GDAP2: variants seen among roughly 807,000 people sequenced by gnomAD.
The protein encoded by GDAP2 is ganglioside induced differentiation associated protein 2, also known as ganglioside-induced differentiation-associated protein 2.
A neutral mutation model predicts 67.0 loss-of-function variants in GDAP2; 51 were observed. The ratio of observed to expected loss-of-function variants is 0.76; its 90% CI spans 0.61 to 0.96. The LOEUF (loss-of-function observed/expected upper bound fraction) is 0.96. Ranked by LOEUF, GDAP2 falls within the 40% of genes least tolerant of loss-of-function variation. The probability of loss-of-function intolerance (pLI) is 0.00; values close to 1 mark genes in which losing one functional copy is unlikely to be tolerated. For synonymous variants in GDAP2, 203 were observed against 207.3 expected, an observed-to-expected ratio of 0.98 and a Z score of 0.18; for missense variants, 547 against 588.3, an observed-to-expected ratio of 0.93 and a Z score of 0.73.
At chr1:117,914,762 G>A (rs1478859964) in intron 3 of GDAP2, among the ~76,000 whole-genome samples, 1 of 152,130 alleles carries the variant, frequency 6.6e-6, no homozygotes, top group Admixed American at 6.5e-5. Flanking sequence ...AAACAAAGGA[G>A]TAGTGCCTTC....
In GDAP2 at chr1:117,866,031, C is replaced by A. The variant is rs1648049248; in HGVS notation, c.*4538G>T. The stretch of plus-strand genomic sequence containing the variant: ...TATATGGTTAGGCCTACCAGGCAAT[C>A]CTTATCATCTCTGGGTTTATGATAT... On this transcript the variant is annotated 3_prime_UTR_variant, in exon 14 of 14. Transcript: ENST00000369443. The A allele has an allele frequency of 6.6e-6, 1 of 152,166 alleles. No individual in the cohort carries two copies. The highest frequency in any genetic ancestry group is 6.5e-5 in the Admixed American group (1 of 15,276). 9.4% of individuals were successfully genotyped at this position (152,166 alleles called of 1,614,324 possible).
At position 117,869,007 on chromosome 1, in the gene GDAP2, C is replaced by G. The variant is rs1648167822; in HGVS notation, c.*1562G>C. ...ATGCACTATAGGGGCATTTCCCTAT[C>G]ATAAATGAAGAGAATATGTTTCTTT... On this transcript the variant is annotated 3_prime_UTR_variant, in exon 14 of 14. Transcript: ENST00000369443. 1.3e-5 allele frequency: 2 copies of G among 152,110 alleles called. No homozygotes were observed. The highest frequency in any genetic ancestry group is 4.8e-5 in the African/African-American group (2 of 41,420). 9.4% of individuals were successfully genotyped at this position (152,110 alleles called of 1,614,324 possible). A position where few individuals can be genotyped will look rare whatever the true frequency, so the allele number is the denominator to read the frequency against.
At position 117,867,723 on chromosome 1, in the gene GDAP2, G is replaced by A. The variant is rs1312178765; in HGVS notation, c.*2846C>T. On this transcript the variant is annotated 3_prime_UTR_variant, in exon 14 of 14. Coordinates refer to ENST00000369443, the MANE Select transcript of GDAP2 (RefSeq NM_017686.4). The stretch of plus-strand genomic sequence containing the variant: ...TCCAAAAAAAAAAGAAAAAGAAAAA[G>A]GAAATATAAAGCATCCGCCAATGAA... 6.6e-6 allele frequency: 1 copy of A among 151,260 alleles called. No individual in the cohort carries two copies. Among genetic ancestry groups the A allele is most frequent in the Non-Finnish European group, 1.5e-5 (1 of 67,810 alleles). 9.4% of individuals were successfully genotyped at this position (151,260 alleles called of 1,614,324 possible). A position where few individuals can be genotyped will look rare whatever the true frequency, so the allele number is the denominator to read the frequency against.
intron 13 of GDAP2, among the ~76,000 whole-genome samples, chr1:117,873,147 A>G (rs1199966052): frequency 2.0e-5 from 3 of 152,234 alleles, no homozygotes; most frequent in South Asian, 2.1e-4. Context: ...GAGACTGCTG[A>G]GCAATCAAAT....
chr1:117,892,266 CTG>C (rs1234651082), intron 8 of GDAP2, among the ~76,000 whole-genome samples: 1 of 152,104 alleles, frequency 6.6e-6, no homozygotes, highest in East Asian at 1.9e-4. Context: ...AGCAAAAAGA[CTG>C]TTACTCTTCT....
At chr1:117,886,278 C>T (rs571760765) in intron 10 of GDAP2, among the ~76,000 whole-genome samples, 1 of 152,230 alleles carries the variant, frequency 6.6e-6, no homozygotes, top group African/African-American at 2.4e-5. Context: ...TTTGATTACA[C>T]AATTATAATA....
intron 6 of GDAP2, among the ~76,000 whole-genome samples, chr1:117,901,355 G>A (rs967997037): frequency 4.6e-5 from 7 of 152,124 alleles, no homozygotes; most frequent in African/African-American, 1.7e-4. Context: ...GTGGACTTAT[G>A]TTTTCAATTC....
chr1:117,869,615 G>C lies in GDAP2; in HGVS notation c.*954C>G, dbSNP rs749488156. Reference sequence around the variant, plus strand: ...CAAATAGAGCCTGAGTGGTAAAAGTGGTCTTTTGCCAATTATCAGCTCCCT... The same window carrying C: ...CAAATAGAGCCTGAGTGGTAAAAGTCGTCTTTTGCCAATTATCAGCTCCCT... On this transcript the variant is annotated 3_prime_UTR_variant, in exon 14 of 14. Transcript: ENST00000369443. The C allele has an allele frequency of 6.6e-5, 10 of 152,624 alleles. No homozygotes were observed. The highest frequency in any genetic ancestry group is 1.5e-4 in the Non-Finnish European group (10 of 68,052). 9.5% of individuals were successfully genotyped at this position (152,624 alleles called of 1,614,324 possible). A position where few individuals can be genotyped will look rare whatever the true frequency, so the allele number is the denominator to read the frequency against.
At chr1:117,885,348 A>T (rs368058159) in intron 10 of GDAP2, among the ~76,000 whole-genome samples, 1 of 152,142 alleles carries the variant, frequency 6.6e-6, no homozygotes, top group Non-Finnish European at 1.5e-5. Context: ...AAAAATGTGA[A>T]AGACAAATTC....
chr1:117,886,128 C>T (rs1457163637), intron 10 of GDAP2, among the ~76,000 whole-genome samples: 2 of 151,988 alleles, frequency 1.3e-5, no homozygotes, highest in Admixed American at 1.3e-4. Flanking sequence ...AACCATTTTT[C>T]TTTTATGAAT....
chr1:117,877,320 T>C, intron 13 of GDAP2: 1 of 967,668 alleles, frequency 1.0e-6, no homozygotes, highest in African/African-American at 1.8e-5. Flanking sequence ...ATCTATCCCC[T>C]GGTTCATACA....
intron 1 of GDAP2, among the ~76,000 whole-genome samples, chr1:117,921,478 G>T (rs982483988): frequency 3.3e-5 from 5 of 152,198 alleles, no homozygotes; most frequent in African/African-American, 1.2e-4. Context: ...GCAACCACAT[G>T]AAGCTCTGGG....
intron 6 of GDAP2, among the ~76,000 whole-genome samples, chr1:117,900,040 T>C (rs1002962998): frequency 7.2e-5 from 11 of 152,178 alleles, no homozygotes; most frequent in Non-Finnish European, 1.0e-4. Flanking sequence ...GCAGACATCA[T>C]CTTTATAGCC....
At chr1:117,871,288 T>C (rs1386116550) in intron 13 of GDAP2, among the ~76,000 whole-genome samples, 1 of 152,106 alleles carries the variant, frequency 6.6e-6, no homozygotes, top group Non-Finnish European at 1.5e-5. Flanking sequence ...GGTAACAAAT[T>C]AGTGCAAGGG....
chr1:117,914,222 C>T (rs1005205516), intron 3 of GDAP2, among the ~76,000 whole-genome samples: 3 of 152,080 alleles, frequency 2.0e-5, no homozygotes, highest in African/African-American at 7.2e-5. Context: ...AGACTAAACA[C>T]ATGCTCAAGA....
At chr1:117,882,020 T>C in intron 11 of GDAP2, 143 bp from the exon 12 acceptor site, 1 of 575,942 alleles carries the variant, frequency 1.7e-6, no homozygotes, top group Non-Finnish European at 3.1e-6. Context: ...CAGATTGAAT[T>C]TTAGGTGAAT....
chr1:117,908,449 C>G (rs1213583657), intron 5 of GDAP2, among the ~76,000 whole-genome samples: 1 of 152,144 alleles, frequency 6.6e-6, no homozygotes, highest in African/African-American at 2.4e-5. Context: ...ACTCATAACT[C>G]TCCTCCTGTT....
chr1:117,920,433 G>C lies in GDAP2; in HGVS notation c.-67-9C>G, dbSNP rs1436298912. The stretch of plus-strand genomic sequence containing the variant: ...TTCACTGGAGACTTTAGCTTTAAGA[G>C]AAAAGAAAGAATCACTTTAATAGAG... On this transcript the variant is annotated splice_polypyrimidine_tract_variant and intron_variant, in intron 1 of 13. Transcript: ENST00000369443. 18 of 886,246 alleles carry C rather than the reference G, an allele frequency of 2.0e-5. No individual in the cohort carries two copies. Among genetic ancestry groups the C allele is most frequent in the Non-Finnish European group, 3.0e-5 (17 of 569,496 alleles). 54.9% of individuals were successfully genotyped at this position (886,246 alleles called of 1,614,324 possible). A position where few individuals can be genotyped will look rare whatever the true frequency, so the allele number is the denominator to read the frequency against.
chr1:117,887,891 A>G, intron 8 of GDAP2, 117 bp from the exon 9 acceptor site: 1 of 623,582 alleles, frequency 1.6e-6, no homozygotes, highest in East Asian at 2.8e-5. Context: ...ATATTTCATT[A>G]TAATAGGGAA....
Sources: allele counts gnomAD v4.1 joint callset (sites outside exome capture counted in the v4.1 genomes callset), GRCh38; gene constraint gnomAD v4.1.1; transcripts MANE v1.5; gene names NCBI Gene and HGNC (gene_info 2026-07-23, HGNC 2026-07-21).